The following BBS9 variants were observed in gnomAD, a reference collection of about 807,000 sequenced individuals.
The protein encoded by BBS9 is Bardet-Biedl syndrome 9, also known as protein PTHB1.
Under a neutral mutation model 117.7 loss-of-function variants are expected in BBS9, and 89 were observed. The ratio of observed to expected loss-of-function variants is 0.76; its 90% CI spans 0.64 to 0.90. The LOEUF is 0.90. Among genes scored for constraint, BBS9 ranks in the 40% least tolerant of loss-of-function variants. The pLI is 0.00. For missense variants in BBS9, 982 were observed against 1,042.2 expected (o/e 0.94, Z 0.80); for synonymous variants, 379 against 370.9 (o/e 1.02, Z -0.25).
intron 18 of BBS9, among the ~76,000 whole-genome samples, chr7:33,384,517 C>T (rs1244263371): frequency 2.6e-5 from 4 of 152,138 alleles, no homozygotes; most frequent in Non-Finnish European, 4.4e-5. Flanking sequence ...GTGGATTTGA[C>T]AGTGACAGTC....
At chr7:33,354,471 C>T (rs1456137122) in intron 15 of BBS9, among the ~76,000 whole-genome samples, 1 of 152,096 alleles carries the variant, frequency 6.6e-6, no homozygotes, top group African/African-American at 2.4e-5. Context: ...AGATGAAGCA[C>T]AGTACGTAGC....
chr7:33,370,194 AC>A (rs1822588476), intron 17 of BBS9, among the ~76,000 whole-genome samples: 1 of 152,040 alleles, frequency 6.6e-6, no homozygotes, highest in African/African-American at 2.4e-5. Flanking sequence ...GTAGCAGCTT[AC>A]CCCTTTAATC....
chr7:33,459,016 G>T (rs1211256714), intron 19 of BBS9, among the ~76,000 whole-genome samples: 1 of 152,034 alleles, frequency 6.6e-6, no homozygotes, highest in African/African-American at 2.4e-5. Context: ...TCTGCCATGA[G>T]GCTTGTTGGC....
intron 19 of BBS9, among the ~76,000 whole-genome samples, chr7:33,484,361 C>CCT (rs1563239587): frequency 6.6e-6 from 1 of 152,064 alleles, no homozygotes; most frequent in Non-Finnish European, 1.5e-5. Context: ...TAGAATATGA[C>CCT]CTCTCTAATC....
intron 19 of BBS9, among the ~76,000 whole-genome samples, chr7:33,411,011 G>GTTTTT (rs765425062): frequency 3.5e-4 from 34 of 96,418 alleles, no homozygotes; most frequent in Non-Finnish European, 3.9e-4. Context: ...AAATGTTGGT[G>GTTTTT]TTTTTTTTTT....
chr7:33,594,599 T>G (rs1862433365), intron 21 of BBS9, among the ~76,000 whole-genome samples: 1 of 151,928 alleles, frequency 6.6e-6, no homozygotes, highest in Non-Finnish European at 1.5e-5. Flanking sequence ...GTTAAGGGGG[T>G]TTTGCCTCTA....
chr7:33,147,124 T>G (rs1041518705), intron 2 of BBS9, among the ~76,000 whole-genome samples: 6 of 152,196 alleles, frequency 3.9e-5, no homozygotes, highest in Non-Finnish European at 7.4e-5. Flanking sequence ...CATTATCATA[T>G]TATAATACTA....
rs1481481653 is a variant in BBS9 at position 33,525,815 on chromosome 7, C to T, written c.2299-8139C>T. Among the ~76,000 whole-genome samples, 782 of 142,732 alleles carry T rather than the reference C, an allele frequency of 5.5e-3. 6 individuals are homozygous for T. Among genetic ancestry groups the T allele is most frequent in the African/African-American group, 0.018 (683 of 37,406 alleles). 93.6% of individuals were successfully genotyped at this position (142,732 alleles called of 152,430 possible). A position where few individuals can be genotyped will look rare whatever the true frequency, so the allele number is the denominator to read the frequency against. Reference sequence around the variant, plus strand: ...TATGATGTTAGCTGGTGATTTTGCTCGTTAGTTGATGCAGTTTCTTCCTAG... The same window carrying T: ...TATGATGTTAGCTGGTGATTTTGCTTGTTAGTTGATGCAGTTTCTTCCTAG... On this transcript the variant is annotated intron_variant, in intron 20 of 22. Coordinates refer to ENST00000242067, the MANE Select transcript of BBS9 (RefSeq NM_198428.3).
In BBS9 at chr7:33,295,520, C is replaced by T. The variant is rs560894648; in HGVS notation, c.1016+21564C>T. ...TTCCCCCCATCTTTTAAAATTTCTG[C>T]AGAATTTTTTCTACCTTGCATGTAA... On this transcript the variant is annotated intron_variant, in intron 9 of 22. Coordinates refer to ENST00000242067, the MANE Select transcript of BBS9 (RefSeq NM_198428.3). Among the ~76,000 whole-genome samples, 7 of 151,888 alleles carry T rather than the reference C, an allele frequency of 4.6e-5. No individual in the cohort carries two copies. In the East Asian group the frequency reaches 1.3e-3, roughly 29 times the overall value.
intron 20 of BBS9, among the ~76,000 whole-genome samples, chr7:33,526,747 T>C (rs1849573660): frequency 6.6e-6 from 1 of 151,326 alleles, no homozygotes; most frequent in Admixed American, 6.6e-5. Flanking sequence ...TTCTCTCAGC[T>C]CGTCAAAGTC....
chr7:33,614,087 C>A (rs1388412362), intron 21 of BBS9, among the ~76,000 whole-genome samples: 1 of 152,062 alleles, frequency 6.6e-6, no homozygotes, highest in Admixed American at 6.6e-5. Flanking sequence ...CCTGAGAGGT[C>A]AGCCTGTGCC....
chr7:33,574,543 A>C (rs992553445), intron 21 of BBS9, among the ~76,000 whole-genome samples: 3 of 152,050 alleles, frequency 2.0e-5, no homozygotes, highest in African/African-American at 7.2e-5. Flanking sequence ...AGACAAGAAT[A>C]TGTCTCCCTG....
chr7:33,430,968 C>A (rs114935543), intron 19 of BBS9, among the ~76,000 whole-genome samples: 1 of 150,416 alleles, frequency 6.6e-6, no homozygotes, highest in Non-Finnish European at 1.5e-5. Flanking sequence ...GCGGGTGGAT[C>A]GCTTGAACTC....
chr7:33,378,693 C>T (rs1402527860), intron 17 of BBS9, among the ~76,000 whole-genome samples: 6 of 152,320 alleles, frequency 3.9e-5, no homozygotes, highest in South Asian at 2.1e-4. Context: ...CACTTGACTT[C>T]GCTGGAGGAA....
chr7:33,378,926 A>G (rs899115946), intron 17 of BBS9, among the ~76,000 whole-genome samples: 5 of 152,144 alleles, frequency 3.3e-5, no homozygotes, highest in Non-Finnish European at 7.4e-5. Flanking sequence ...AATCATGTCC[A>G]TGTTTTTTCC....
At chr7:33,384,715 T>TGAGA (rs60567131) in intron 18 of BBS9, among the ~76,000 whole-genome samples, 4,289 of 144,770 alleles carry the variant, frequency 0.03, 211 homozygotes, top group African/African-American at 0.096. Context: ...TGTGTGTGTG[T>TGAGA]GAGAGAGAGA....
At chr7:33,596,340 A>C (rs911420257) in intron 21 of BBS9, among the ~76,000 whole-genome samples, 10 of 136,356 alleles carry the variant, frequency 7.3e-5, no homozygotes, top group Non-Finnish European at 1.1e-4. Context: ...ATAATTGTAG[A>C]TATATAATTG....
chr7:33,368,584 A>ACACACG (rs1244030918), intron 17 of BBS9, among the ~76,000 whole-genome samples: 31 of 107,872 alleles, frequency 2.9e-4, no homozygotes, highest in African/African-American at 1.1e-3. Flanking sequence ...AAGTACACAC[A>ACACACG]CACACACACA....
chr7:33,393,491 C>G lies in BBS9; in HGVS notation c.2115+5347C>G, dbSNP rs536344435. Among the ~76,000 whole-genome samples the G allele has an allele frequency of 2.9e-3, 438 of 152,210 alleles. 2 individuals are homozygous for G. The highest frequency in any genetic ancestry group is 4.0e-3 in the Non-Finnish European group (272 of 68,014). ...TGTATTTTTATTTTGCTCTGGGCAC[C>G]TCAAATAACGTAGCTGGTCCTGGCC... is the stretch of plus-strand genomic sequence containing the variant. On this transcript the variant is annotated intron_variant, in intron 19 of 22. Coordinates refer to ENST00000242067, the MANE Select transcript of BBS9 (RefSeq NM_198428.3).
Sources: gnomAD v4.1 joint callset for allele counts (sites outside exome capture counted in the v4.1 genomes callset) on GRCh38, gnomAD v4.1.1 for gene constraint, MANE v1.5 for transcripts, NCBI Gene and HGNC (gene_info 2026-07-23, HGNC 2026-07-21) for gene names.